Variants in MGST1 observed in about 807,000 individuals in gnomAD.
MGST1 encodes microsomal glutathione S-transferase 1, also known as glutathione S-transferase 12.
A neutral mutation model predicts 8.9 loss-of-function variants in MGST1; 5 were observed. The observed-to-expected ratio is 0.56, with a 90% CI of 0.29 to 1.19. The LOEUF (loss-of-function observed/expected upper bound fraction) is 1.19, where lower values mean the gene tolerates loss of function less well. MGST1 is among the 50% of genes most tolerant of loss of function. MGST1 has a pLI of 0.08. For synonymous variants in MGST1, 54 were observed against 67.8 expected (o/e 0.80, Z 1.00); for missense variants, 182 against 187.4 (o/e 0.97, Z 0.17).
At chr12:16,440,720 A>C (rs1453462172), downstream of MGST1, among the ~76,000 whole-genome samples, 1 of 151,808 alleles carries the variant, frequency 6.6e-6, no homozygotes, top group East Asian at 1.9e-4. Flanking sequence ...TGTACCTATT[A>C]TTGTTTGTGG....
intron 4 of MGST1, among the ~76,000 whole-genome samples, chr12:16,471,035 G>A (rs776001703): frequency 1.8e-4 from 27 of 152,196 alleles, no homozygotes; most frequent in Non-Finnish European, 3.5e-4. Flanking sequence ...GAGGAGAGAT[G>A]AGATTTATTT....
intron 1 of MGST1, among the ~76,000 whole-genome samples, chr12:16,394,803 G>C (rs1940590656): frequency 6.6e-6 from 1 of 151,884 alleles, no homozygotes; most frequent in Non-Finnish European, 1.5e-5. Flanking sequence ...CACCATGTTA[G>C]CCAGGCTGGT....
chr12:16,384,092 G>A (rs73064180), intron 1 of MGST1, among the ~76,000 whole-genome samples: 12,397 of 152,176 alleles, frequency 0.081, 522 homozygotes, highest in East Asian at 0.13. Context: ...GGTACAAAAA[G>A]AGGGGGTTCA....
chr12:16,566,328 G>C (rs1055233055), intron 4 of MGST1, among the ~76,000 whole-genome samples: 3 of 151,814 alleles, frequency 2.0e-5, no homozygotes, highest in Admixed American at 1.3e-4. Context: ...CTGGTGTTCT[G>C]TTATTGCACA....
chr12:16,545,348 T>G (rs1456269320), intron 4 of MGST1, among the ~76,000 whole-genome samples: 1 of 152,076 alleles, frequency 6.6e-6, no homozygotes, highest in Non-Finnish European at 1.5e-5. Context: ...TATGCACCGA[T>G]GTCTCTCAGG....
chr12:16,398,630 C>A (rs1049858586), intron 1 of MGST1, among the ~76,000 whole-genome samples: 4 of 152,200 alleles, frequency 2.6e-5, no homozygotes, highest in African/African-American at 9.6e-5. Context: ...GAGAAAATAA[C>A]CGAGCCAGGG....
intron 3 of MGST1, among the ~76,000 whole-genome samples, chr12:16,358,554 TCTC>T (rs549605988): frequency 6.6e-6 from 1 of 151,650 alleles, no homozygotes; most frequent in Non-Finnish European, 1.5e-5. Context: ...GCAACCTTCT[TCTC>T]CTGGGTTCAA....
At chr12:16,479,558 G>C (rs1388213454) in intron 4 of MGST1, among the ~76,000 whole-genome samples, 2 of 83,818 alleles carry the variant, frequency 2.4e-5, no homozygotes, top group African/African-American at 5.3e-5. Flanking sequence ...TTTTGAGACA[G>C]GGTCTTGCTC....
rs372116126 is a variant in MGST1, at chr12:16,362,348, C to T, written c.222-1447C>T. Among the ~76,000 whole-genome samples the T allele has an allele frequency of 1.4e-4, 20 of 142,072 alleles. No homozygotes were observed. In the South Asian group the frequency reaches 4.5e-3, roughly 32 times the overall value. 93.2% of individuals were successfully genotyped at this position (142,072 alleles called of 152,430 possible). A position where few individuals can be genotyped will look rare whatever the true frequency, so the allele number is the denominator to read the frequency against. The stretch of plus-strand genomic sequence containing the variant: ...GAAGCCTTTTCAAATCATTACTTAG[C>T]TGGGCTGCTGCTGTCCTCTTCATGT... On this transcript the variant is annotated intron_variant, in intron 3 of 3. Coordinates refer to ENST00000396210, the MANE Select transcript of MGST1 (RefSeq NM_020300.5). This position sits in a 1 kb window ranked among gnomAD's most constrained non-coding sequence, Gnocchi z 4.4.
intron 1 of MGST1, among the ~76,000 whole-genome samples, chr12:16,351,911 AAAAG>A (rs138799475): frequency 0.059 from 9,043 of 152,268 alleles, 419 homozygotes; most frequent in East Asian, 0.21. Flanking sequence ...CATAACTGGA[AAAAG>A]AAAGAAGATG....
chr12:16,563,737 C>T (rs1419577368), intron 4 of MGST1, among the ~76,000 whole-genome samples: 1 of 152,010 alleles, frequency 6.6e-6, no homozygotes, highest in Non-Finnish European at 1.5e-5. Flanking sequence ...AGTTCTTAGT[C>T]GTACACTGAG....
chr12:16,590,885 T>C (rs565001245), downstream of MGST1, among the ~76,000 whole-genome samples: 238 of 152,186 alleles, frequency 1.6e-3, no homozygotes, highest in Non-Finnish European at 2.6e-3. Context: ...CAAATTCATA[T>C]TTCACAACTA....
chr12:16,564,543 GT>G, intron 4 of MGST1, among the ~76,000 whole-genome samples: 1 of 152,292 alleles, frequency 6.6e-6, no homozygotes, highest in East Asian at 1.9e-4. Context: ...GGGAAAATGA[GT>G]GTTCATTGTA....
intron 4 of MGST1, among the ~76,000 whole-genome samples, chr12:16,475,644 T>C (rs1941317806): frequency 6.6e-6 from 1 of 152,160 alleles, no homozygotes; most frequent in African/African-American, 2.4e-5. Flanking sequence ...TTCAGCTGCA[T>C]AGAAATATGG....
chr12:16,461,828 C>T (rs1460968189), intron 4 of MGST1, among the ~76,000 whole-genome samples: 4 of 152,024 alleles, frequency 2.6e-5, no homozygotes, highest in South Asian at 4.1e-4. Flanking sequence ...ACACCATAAT[C>T]GTCTTTATCA....
At chr12:16,531,286 G>GGCAATCCT (rs1383991058) in intron 4 of MGST1, among the ~76,000 whole-genome samples, 1 of 151,694 alleles carries the variant, frequency 6.6e-6, no homozygotes, top group African/African-American at 2.4e-5. Flanking sequence ...ACACAGGCTA[G>GGCAATCCT]GCAATCCTTT....
intron 4 of MGST1, among the ~76,000 whole-genome samples, chr12:16,496,539 A>C (rs1347326175): frequency 3.3e-5 from 5 of 152,082 alleles, no homozygotes; most frequent in Admixed American, 2.6e-4. Context: ...TGTATGTTGC[A>C]TGATGCTGAG....
intron 4 of MGST1, among the ~76,000 whole-genome samples, chr12:16,579,877 T>C (rs780680030): frequency 6.6e-5 from 10 of 152,196 alleles, no homozygotes; most frequent in Non-Finnish European, 1.3e-4. Flanking sequence ...ATAATGATTA[T>C]CCATTGTTAT....
At chr12:16,378,017 T>C (rs1459484311), downstream of MGST1, among the ~76,000 whole-genome samples, 2 of 151,924 alleles carry the variant, frequency 1.3e-5, no homozygotes, top group African/African-American at 4.8e-5. Context: ...TGTAAATTTG[T>C]TTGAGTTCAT....
Sources: gnomAD v4.1 joint callset for allele counts (sites outside exome capture counted in the v4.1 genomes callset) on GRCh38, gnomAD v4.1.1 for gene constraint, Gnocchi (gnomAD v3.1) non-coding constraint, MANE v1.5 for transcripts, NCBI Gene and HGNC (gene_info 2026-07-23, HGNC 2026-07-21) for gene names.